MED25: variants seen among roughly 807,000 people sequenced by gnomAD.
The protein encoded by MED25 is mediator complex subunit 25.
Under a neutral mutation model 89.4 loss-of-function variants are expected in MED25, and 62 were observed. The ratio of observed to expected loss-of-function variants is 0.69; its 90% CI spans 0.57 to 0.86. The LOEUF (loss-of-function observed/expected upper bound fraction) is 0.86. Among genes scored for constraint, MED25 ranks in the 40% least tolerant of loss-of-function variants. The pLI, the probability that MED25 is intolerant of heterozygous loss-of-function variation, is 0.00. For synonymous variants in MED25, 449 were observed against 427.9 expected (o/e 1.05, Z -0.61); for missense variants, 905 against 1,005.2 (o/e 0.90, Z 1.35).
In MED25 at chr19:49,836,492, G is replaced by A; in HGVS notation, c.2146+86G>A. The A allele has an allele frequency of 6.8e-7, 1 of 1,466,878 alleles. No individual in the cohort carries two copies. The highest frequency in any genetic ancestry group is 9.3e-7 in the Non-Finnish European group (1 of 1,070,958). 90.9% of individuals were successfully genotyped at this position (1,466,878 alleles called of 1,614,324 possible). On this transcript the variant is annotated intron_variant, in intron 17 of 17. Transcript: ENST00000312865. The surrounding 1 kb of genome is among the most constrained non-coding windows in gnomAD (Gnocchi z 5.1). ...GAGCACCAAGACCGAGTGCTCCTGG[G>A]AAGTAAAGACATAGGATCCAAGAAT...
chr19:49,830,945 CAGTT>C lies in MED25; in HGVS notation c.1101+61_1101+64del. 1 of 1,549,150 alleles carries C rather than the reference CAGTT, an allele frequency of 6.5e-7. No homozygotes were observed. On this transcript the variant is annotated intron_variant, in intron 9 of 17. Coordinates refer to ENST00000312865, the MANE Select transcript of MED25 (RefSeq NM_030973.4). The surrounding 1 kb of genome is among the most constrained non-coding windows in gnomAD (Gnocchi z 4.6). Reference sequence around the variant, plus strand: ...TTCCTCCTGCTGTCCACAGCTAGGACAGTTAGAGGATGAGTCATTTGCCTTCCAG... The same window carrying C: ...TTCCTCCTGCTGTCCACAGCTAGGACAGAGGATGAGTCATTTGCCTTCCAG...
chr19:49,832,070 T>C, intron 11 of MED25, 30 bp from the exon 12 acceptor site: 6 of 1,613,558 alleles, frequency 3.7e-6, no homozygotes, highest in Non-Finnish European at 5.1e-6. Flanking sequence ...GCTGGCCCCC[T>C]CCTCACACCT....
rs374910908 is a variant in MED25, at chr19:49,829,644, G to A, written c.526-142G>A. 16 of 869,572 alleles carry A rather than the reference G, an allele frequency of 1.8e-5. 1 individual carries two copies. The highest frequency in any genetic ancestry group is 1.7e-4 in the Admixed American group (7 of 40,000). 53.9% of individuals were successfully genotyped at this position (869,572 alleles called of 1,614,324 possible). On this transcript the variant is annotated intron_variant, in intron 5 of 17. Transcript: ENST00000312865. This position sits in a 1 kb window ranked among gnomAD's most constrained non-coding sequence, Gnocchi z 4.6. ...GGGGCAGGTGATACCTGGTTTCAGGGTCTCCTGCCTCAAAGCCCAATGGGA... is the reference window on the plus strand; with the variant it reads ...GGGGCAGGTGATACCTGGTTTCAGGATCTCCTGCCTCAAAGCCCAATGGGA...
In MED25 at chr19:49,830,925, CCTG is replaced by C; in HGVS notation, c.1101+42_1101+44del. On this transcript the variant is annotated intron_variant, in intron 9 of 17. Transcript: ENST00000312865. This position sits in a 1 kb window ranked among gnomAD's most constrained non-coding sequence, Gnocchi z 4.6. ...ACGCCTCCTGCCCCTGCTCCTTCCT[CCTG>C]CTGTCCACAGCTAGGACAGTTAGAG... 6.3e-7 allele frequency: 1 copy of C among 1,587,370 alleles called. No individual in the cohort carries two copies. The highest frequency in any genetic ancestry group is 8.6e-7 in the Non-Finnish European group (1 of 1,165,900).
In MED25 at chr19:49,836,291, G is replaced by A. The variant is rs57854058; in HGVS notation, c.2031G>A (p.Ala677=). ...ACCTCCAGCCACCAGGGGCTCCTGC[G>A]CTGCTGCCTCCGCCGCACCAGGGCC... ...LHHLQPPGAP[A]LLPPPHQGLG... is the part of the protein sequence containing the mutation. Residue 677 remains alanine, a synonymous_variant, in exon 17 of 18, where the codon GCG becomes GCA. Coordinates refer to ENST00000312865, the MANE Select transcript of MED25 (RefSeq NM_030973.4). The surrounding 1 kb of genome is among the most constrained non-coding windows in gnomAD (Gnocchi z 5.1). 9.7e-3 allele frequency: 15,584 copies of A among 1,611,934 alleles called. 117 individuals carry two copies. The highest frequency in any genetic ancestry group is 0.029 in the African/African-American group (2,185 of 75,008).
rs781430967 is a variant in MED25 at position 49,832,289 on chromosome 19, A to T, written c.1375-19A>T. ...CTTGCCCACACCAGCATGCCAGCCG[A>T]CTTCTGTGTCTCCCGCAGACCACCC... On this transcript the variant is annotated intron_variant, in intron 12 of 17. Transcript: ENST00000312865. 1 of 1,572,874 alleles carries T rather than the reference A, an allele frequency of 6.4e-7. No individual in the cohort carries two copies. Among genetic ancestry groups the T allele is most frequent in the Non-Finnish European group, 8.7e-7 (1 of 1,149,180 alleles).
rs1290584141 is a variant in MED25, at chr19:49,829,129, C to A, written c.525+39C>A. 5.0e-6 allele frequency: 8 copies of A among 1,586,106 alleles called. No individual in the cohort carries two copies. Among genetic ancestry groups the A allele is most frequent in the Non-Finnish European group, 6.9e-6 (8 of 1,161,300 alleles). ...GGTCTGAGGGACGAGGGTCTGGGGG[C>A]CCGGAGTCTTGGGTCTGAGGCAGGA... On this transcript the variant is annotated intron_variant, in intron 5 of 17. Coordinates refer to ENST00000312865, the MANE Select transcript of MED25 (RefSeq NM_030973.4). The surrounding 1 kb of genome is among the most constrained non-coding windows in gnomAD (Gnocchi z 4.6).
Position 49,830,723 on chromosome 19 carries a change from G to C in MED25, c.937G>C (p.Ala313Pro). ...FSPITPLQQA[A>P]PGVGPPFSQA... ...GCCCATCACCCCTCTCCAACAAGCT[G>C]CTCCCGGAGTGGGTCCCCCCTTCAG... The change falls in exon 9 of 18, where the codon GCT becomes CCT. Residue 313 changes from alanine (A) to proline (P), a missense_variant. This residue lies in a region of MED25 where 501 missense variants were observed against 526.9 expected (regional missense o/e 0.95). Coordinates refer to ENST00000312865, the MANE Select transcript of MED25 (RefSeq NM_030973.4). The surrounding 1 kb of genome is among the most constrained non-coding windows in gnomAD (Gnocchi z 4.6). The C allele has an allele frequency of 1.2e-6, 2 of 1,613,922 alleles. No homozygotes were observed. The highest frequency in any genetic ancestry group is 1.7e-6 in the Non-Finnish European group (2 of 1,179,954).
At chr19:49,818,922 C>A in intron 2 of MED25, 1 of 540,208 alleles carries the variant, frequency 1.9e-6, no homozygotes. Flanking sequence ...GAGCTGAGGC[C>A]TGGATTCCTG....
At position 49,836,877 on chromosome 19, in the gene MED25, G is replaced by A. The variant is rs2074103004; in HGVS notation, c.2177G>A (p.Gly726Asp). The A allele has an allele frequency of 6.2e-7, 1 of 1,612,154 alleles. No homozygotes were observed. The highest frequency in any genetic ancestry group is 1.7e-5 in the Admixed American group (1 of 59,930). The change falls in exon 18 of 18, where the codon GGC becomes GAC. Residue 726 changes from glycine to aspartate, a missense_variant. By Grantham distance (94) the Gly-to-Asp change is moderately conservative. Around this residue, in one of 3 missense-constraint regions of MED25, gnomAD observed 271 missense variants for 258.1 expected, o/e 1.05. Transcript: ENST00000312865. The surrounding 1 kb of genome is among the most constrained non-coding windows in gnomAD (Gnocchi z 5.1). Reference sequence around the variant, plus strand: ...ATGCTGCTGAGCGGGGGTCCCCGGGGCCCGGTCCCCCAGCCGGGCCTGCAG... The same window carrying A: ...ATGCTGCTGAGCGGGGGTCCCCGGGACCCGGTCCCCCAGCCGGGCCTGCAG... ...GQMLLSGGPR[G>D]PVPQPGLQPS...
Position 49,836,298 on chromosome 19 carries a change from C to A in MED25, c.2038C>A (p.Pro680Thr). Reference sequence around the variant, plus strand: ...GCCACCAGGGGCTCCTGCGCTGCTGCCTCCGCCGCACCAGGGCCTGGGGCA... The same window carrying A: ...GCCACCAGGGGCTCCTGCGCTGCTGACTCCGCCGCACCAGGGCCTGGGGCA... ...LQPPGAPALL[P>T]PPHQGLGQPQ... Residue 680 changes from proline to threonine, a missense_variant, in exon 17 of 18, where the codon CCT becomes ACT. Physicochemically the swap from Pro to Thr is conservative, Grantham distance 38. Coordinates refer to ENST00000312865, the MANE Select transcript of MED25 (RefSeq NM_030973.4). The surrounding 1 kb of genome is among the most constrained non-coding windows in gnomAD (Gnocchi z 5.1). 1.2e-6 allele frequency: 2 copies of A among 1,611,752 alleles called. No individual in the cohort carries two copies. The highest frequency in any genetic ancestry group is 1.7e-6 in the Non-Finnish European group (2 of 1,179,514).
chr19:49,839,954 G>A (rs533530556), downstream of MED25: 6 of 152,330 alleles, frequency 3.9e-5, no homozygotes, highest in East Asian at 7.7e-4. Context: ...GCAATACGGC[G>A]CTGGTTCCTA....
chr19:49,823,722 A>G (rs1415210863), intron 3 of MED25, among the ~76,000 whole-genome samples: 1 of 152,152 alleles, frequency 6.6e-6, no homozygotes, highest in African/African-American at 2.4e-5. Flanking sequence ...CAGGACATAT[A>G]GTGAAAAGGT....
intron 11 of MED25, 21 bp downstream of exon 11, chr19:49,832,042 G>C (rs775829724): frequency 2.5e-6 from 4 of 1,613,756 alleles, no homozygotes; most frequent in Non-Finnish European, 3.4e-6. Context: ...GTCAGGGGCG[G>C]GGTGTGGTGG....
intron 3 of MED25, among the ~76,000 whole-genome samples, chr19:49,822,640 C>CTTTTTTTTTTTT (rs536060694): frequency 1.5e-5 from 1 of 68,244 alleles, no homozygotes; most frequent in Non-Finnish European, 2.5e-5. Flanking sequence ...CTGTTACATT[C>CTTTTTTTTTTTT]TTTTTTTTTT....
downstream of MED25, chr19:49,839,870 C>T (rs1449734270): frequency 6.6e-6 from 1 of 152,238 alleles, no homozygotes; most frequent in African/African-American, 2.4e-5. Context: ...AAGGAACAGA[C>T]ATTGTCCAGT....
rs1187503976 is a variant in MED25, at chr19:49,830,258, TGCTGGA to T, written c.819+43_819+48del. On this transcript the variant is annotated intron_variant, in intron 7 of 17. Coordinates refer to ENST00000312865, the MANE Select transcript of MED25 (RefSeq NM_030973.4). This position sits in a 1 kb window ranked among gnomAD's most constrained non-coding sequence, Gnocchi z 4.6. ...GGGAAGGGACATGCTTCTGGGGACT[TGCTGGA>T]GCCCTGGCCCCTGGGGAGAAATCTA... The T allele has an allele frequency of 6.3e-7, 1 of 1,598,108 alleles. No individual in the cohort carries two copies. Among genetic ancestry groups the T allele is most frequent in the Non-Finnish European group, 8.5e-7 (1 of 1,171,096 alleles).
intron 3 of MED25, among the ~76,000 whole-genome samples, chr19:49,827,694 A>G (rs1024322375): frequency 6.6e-6 from 1 of 152,168 alleles, no homozygotes; most frequent in Non-Finnish European, 1.5e-5. Flanking sequence ...TAGGACCTCA[A>G]CCTGTCTTTT....
chr19:49,829,343 ATC>A lies in MED25; in HGVS notation c.525+255_525+256del, dbSNP rs2123877341. Among the ~76,000 whole-genome samples, 1 of 152,212 alleles carries A rather than the reference ATC, an allele frequency of 6.6e-6. No individual in the cohort carries two copies. The highest frequency in any genetic ancestry group is 2.4e-5 in the African/African-American group (1 of 41,526). ...ACCCAGGCTGGAGTGCAGTGGTGTG[ATC>A]TTGGCCCACTGCAGCCTCTGCCTCC... On this transcript the variant is annotated intron_variant, in intron 5 of 17. Transcript: ENST00000312865. This position sits in a 1 kb window ranked among gnomAD's most constrained non-coding sequence, Gnocchi z 4.6.
Sources: allele counts gnomAD v4.1 joint callset (sites outside exome capture counted in the v4.1 genomes callset), GRCh38; gene constraint gnomAD v4.1.1; regional missense constraint gnomAD v4.1.1; non-coding constraint Gnocchi (gnomAD v3.1); transcripts MANE v1.5; gene names NCBI Gene and HGNC (gene_info 2026-07-23, HGNC 2026-07-21).